NBPF10: variants seen among roughly 807,000 people sequenced by gnomAD.
NBPF10 encodes the protein NBPF member 10.
NBPF10 carries 63 observed loss-of-function variants against 77.9 expected under a neutral mutation model. The observed-to-expected ratio is 0.81, with a 90% CI of 0.66 to 1.00. The LOEUF is 1.00. NBPF10 is among the 50% of genes least tolerant of loss of function. The pLI is 0.00. For synonymous variants in NBPF10, 146 were observed against 264.5 expected, an observed-to-expected ratio of 0.55 and a Z score of 4.35; for missense variants, 522 against 679.8, an observed-to-expected ratio of 0.77 and a Z score of 2.58.
At chr1:146,066,815 G>T (rs1333471769) in intron 89 of NBPF10, among the ~76,000 whole-genome samples, 2 of 151,880 alleles carry the variant, frequency 1.3e-5, no homozygotes, top group Non-Finnish European at 2.9e-5. Context: ...TAGTGAATTG[G>T]CCAGGTGACA....
At chr1:146,126,596 G>GACATACACACAC in intron 13 of NBPF10, among the ~76,000 whole-genome samples, 188 bp from the exon 14 acceptor site, 1 of 113,700 alleles carries the variant, frequency 8.8e-6, no homozygotes, top group South Asian at 2.9e-4. Context: ...GAACGAGAAA[G>GACATACACACAC]ACACACACAC....
At chr1:146,069,707 C>A (rs781827434) in exon 86 of NBPF10, 36 of 807,358 alleles carry the variant, frequency 4.5e-5, no homozygotes, top group Non-Finnish European at 6.8e-5. Context: ...CAGCAGCTCC[C>A]TGCTGAGCCT....
At chr1:146,109,320 A>T (rs1657347136) in intron 35 of NBPF10, among the ~76,000 whole-genome samples, 1 of 103,954 alleles carries the variant, frequency 9.6e-6, no homozygotes, top group African/African-American at 3.3e-5. Context: ...AGACACACAC[A>T]CACACACACA....
chr1:146,139,092 CTT>C (rs782186835), intron 5 of NBPF10, among the ~76,000 whole-genome samples: 51 of 82,402 alleles, frequency 6.2e-4, no homozygotes, highest in African/African-American at 2.2e-3. Context: ...CAGAGACTTA[CTT>C]TTTTTTTTTT....
chr1:146,126,469 G>A (rs1332249962), intron 13 of NBPF10, 61 bp from the exon 14 acceptor site: 3 of 769,958 alleles, frequency 3.9e-6, no homozygotes, highest in Non-Finnish European at 7.2e-6. Flanking sequence ...CACAGCCCCA[G>A]CTAGATTTCA....
chr1:146,067,348 T>A, intron 88 of NBPF10, 60 bp from the exon 89 acceptor site: 1 of 431,218 alleles, frequency 2.3e-6, no homozygotes, highest in Non-Finnish European at 4.0e-6. Context: ...CACATAAAAA[T>A]CCACTGTCTA....
intron 19 of NBPF10, among the ~76,000 whole-genome samples, chr1:146,121,873 A>G (rs1658214907): frequency 1.4e-5 from 2 of 142,612 alleles, no homozygotes; most frequent in Non-Finnish European, 1.6e-5. Context: ...AGAGAGAGAG[A>G]CAGAGACAGA....
At chr1:146,068,139 T>A (rs1439129967) in exon 88 of NBPF10, 2 of 483,714 alleles carry the variant, frequency 4.1e-6, no homozygotes, top group East Asian at 3.4e-5. Flanking sequence ...CCTGCAAGAC[T>A]TCAGGCTCTT....
chr1:146,143,045 A>G (rs587734216), intron 1 of NBPF10, among the ~76,000 whole-genome samples: 1 of 123,816 alleles, frequency 8.1e-6, no homozygotes, highest in Non-Finnish European at 1.9e-5. Context: ...CTGACTCTGA[A>G]TGCGGGGCCA....
At chr1:146,067,906 A>T in intron 88 of NBPF10, 97 bp downstream of exon 88, 1 of 704,864 alleles carries the variant, frequency 1.4e-6, no homozygotes, top group East Asian at 2.7e-5. Flanking sequence ...TGCGGCAATG[A>T]CGTCTCTCGG....
At position 146,141,671 on chromosome 1, in the gene NBPF10, C is replaced by G. The variant is rs782688448; in HGVS notation, c.426G>C (p.Gln142His). 40 of 1,188,964 alleles carry G rather than the reference C, an allele frequency of 3.4e-5. 8 individuals carry two copies. Among genetic ancestry groups the G allele is most frequent in the Non-Finnish European group, 4.4e-5 (37 of 841,396 alleles). 73.7% of individuals were successfully genotyped at this position (1,188,964 alleles called of 1,614,324 possible). The change falls in exon 3 of 90, where the codon CAG becomes CAC. Residue 142 changes from glutamine (Q) to histidine (H), a missense_variant. This residue lies in a region of NBPF10 where 71 missense variants were observed against 114.9 expected (regional missense o/e 0.62). Coordinates refer to ENST00000583866, the Ensembl canonical transcript of NBPF10. ...CCTCAGCCAGCTGTTCTTGGAGGTC[C>G]TGCCCCTGGGACTTGTCCGGCTCAT...
chr1:146,080,995 A>T lies in NBPF10; in HGVS notation c.8892-218T>A, dbSNP rs1329888187. Among the ~76,000 whole-genome samples the T allele has an allele frequency of 1.7e-3, 138 of 79,802 alleles. 3 individuals carry two copies. Among genetic ancestry groups the T allele is most frequent in the Middle Eastern group, 6.0e-3 (1 of 166 alleles). The allele number at this position is 79,802 out of a possible 152,430, so 52.4% of individuals were successfully genotyped here. ...GATAGACACACACACACACACACAC[A>T]CACACACACACACACACACACACAC... On this transcript the variant is annotated intron_variant, in intron 71 of 89. Coordinates refer to ENST00000583866, the Ensembl canonical transcript of NBPF10.
At chr1:146,069,478 G>C (rs1286363784) in intron 86 of NBPF10, 65 bp downstream of exon 86, 2 of 653,330 alleles carry the variant, frequency 3.1e-6, no homozygotes, top group East Asian at 5.8e-5. Flanking sequence ...GCCACTTGCA[G>C]TAGGAATATG....
rs1658488121 is a variant in NBPF10, at chr1:146,125,474, G to T, written c.2069C>A (p.Ser690Ter). Reference sequence around the variant, plus strand: ...AATTGCTCAAAGTTACCTGGGGCATGATGGGTCTTGGTCTTCTTCCACTTC... The same window carrying T: ...AATTGCTCAAAGTTACCTGGGGCATTATGGGTCTTGGTCTTCTTCCACTTC... Residue 690 changes from serine to a stop codon, truncating the protein, a stop_gained, in exon 15 of 90, where the codon TCA becomes TAA. Transcript: ENST00000583866. LOFTEE classifies it high-confidence loss of function. The T allele has an allele frequency of 1.4e-5, 6 of 439,934 alleles. No homozygotes were observed. The highest frequency in any genetic ancestry group is 1.9e-5 in the Non-Finnish European group (5 of 260,964). 27.3% of individuals were successfully genotyped at this position (439,934 alleles called of 1,614,324 possible).
intron 88 of NBPF10, among the ~76,000 whole-genome samples, chr1:146,067,727 C>A (rs1387177459): frequency 2.0e-5 from 3 of 150,132 alleles, no homozygotes; most frequent in Non-Finnish European, 4.4e-5. Flanking sequence ...TCACAGTTCT[C>A]TGAATTTGTC....
Position 146,136,184 on chromosome 1 carries a change from C to T in NBPF10, c.1091+169G>A, listed in dbSNP as rs3977239. On this transcript the variant is annotated intron_variant, in intron 7 of 89. Transcript: ENST00000583866. ...CTCTGAGAAACAACTGCAACCCATA[C>T]ATTTTTACTATCCTTCTTCTCTGAT... Among the ~76,000 whole-genome samples, 64 of 151,910 alleles carry T rather than the reference C, an allele frequency of 4.2e-4. 2 individuals are homozygous for T. The highest frequency in any genetic ancestry group is 3.4e-3 in the Middle Eastern group (1 of 294).
rs782239041 is a variant in NBPF10, at chr1:146,126,207, C to A, written c.2026+29G>T. 2.9e-6 allele frequency: 4 copies of A among 1,356,542 alleles called. No individual in the cohort carries two copies. The Admixed American group carries it at 5.1e-5, about 17-fold the overall frequency. The allele number at this position is 1,356,542 out of a possible 1,614,324, so 84.0% of individuals were successfully genotyped here. On this transcript the variant is annotated intron_variant, in intron 14 of 89. Coordinates refer to ENST00000583866, the Ensembl canonical transcript of NBPF10. ...ACCCTAACCAGAAGACTCAGTGGATCCTTATCACCTTCATAGAAAGGTACT... is the reference window on the plus strand; with the variant it reads ...ACCCTAACCAGAAGACTCAGTGGATACTTATCACCTTCATAGAAAGGTACT...
chr1:146,138,835 A>T (rs1471938553), intron 5 of NBPF10, among the ~76,000 whole-genome samples: 2 of 143,502 alleles, frequency 1.4e-5, no homozygotes, highest in Non-Finnish European at 3.1e-5. Flanking sequence ...CGCAGGCTGC[A>T]GTGCAGAGGC....
chr1:146,109,313 C>T (rs1657345793), intron 35 of NBPF10, among the ~76,000 whole-genome samples, 199 bp from the exon 36 acceptor site: 1 of 57,028 alleles, frequency 1.8e-5, no homozygotes, highest in Non-Finnish European at 3.8e-5. Flanking sequence ...GACAGATAGA[C>T]ACACACACAC....
Sources: gnomAD v4.1 joint callset for allele counts (sites outside exome capture counted in the v4.1 genomes callset) on GRCh38, gnomAD v4.1.1 for gene constraint, gnomAD v4.1.1 regional missense constraint, MANE v1.5 for transcripts, NCBI Gene and HGNC (gene_info 2026-07-23, HGNC 2026-07-21) for gene names.